The following MCOLN3 variants were observed in gnomAD, a reference collection of about 807,000 sequenced individuals.
MCOLN3 encodes mucolipin-3.
In MCOLN3, 62 loss-of-function variants were observed where a neutral mutation model predicts 69.4. That is an observed-to-expected ratio of 0.89 (90% CI 0.73 to 1.10). The LOEUF (loss-of-function observed/expected upper bound fraction) is 1.10. Among genes scored for constraint, MCOLN3 ranks in the 50% least tolerant of loss-of-function variants. The pLI is 0.00. For missense variants in MCOLN3, 564 were observed against 656.4 expected (o/e 0.86, Z 1.54); for synonymous variants, 183 against 217.0 (o/e 0.84, Z 1.38).
chr1:85,035,053 G>T (rs1285635882), intron 3 of MCOLN3, among the ~76,000 whole-genome samples: 1 of 152,192 alleles, frequency 6.6e-6, no homozygotes, highest in Non-Finnish European at 1.5e-5. Flanking sequence ...GTTGGACCTT[G>T]TCAAGGTCAC....
At chr1:85,048,200 TG>T (rs981473562) in intron 1 of MCOLN3, among the ~76,000 whole-genome samples, 195 bp downstream of exon 1, 15 of 151,976 alleles carry the variant, frequency 9.9e-5, no homozygotes, top group African/African-American at 3.4e-4. Context: ...GCGGGCGGCT[TG>T]GGGGCGGCGC....
At chr1:85,026,516 G>C (rs1337751739) in intron 7 of MCOLN3, among the ~76,000 whole-genome samples, 1 of 152,054 alleles carries the variant, frequency 6.6e-6, no homozygotes, top group Non-Finnish European at 1.5e-5. Flanking sequence ...CAGCACTTTG[G>C]GAGGCCGAGG....
rs74095740 is a variant in MCOLN3 at position 85,032,725 on chromosome 1, G to C, written c.703C>G (p.Leu235Val). 688 of 1,613,930 alleles carry C rather than the reference G, an allele frequency of 4.3e-4. 3 individuals are homozygous for C. The African/African-American group carries it at 8.3e-3, about 19-fold the overall frequency. ...INLQTVRHQE[L>V]PDCYDFTLTI... ...AGAGTAAAGTCATAACAGTCAGGGAGTTCTTGATGACGAACTGTCTGCAGA... is the reference window on the plus strand; with the variant it reads ...AGAGTAAAGTCATAACAGTCAGGGACTTCTTGATGACGAACTGTCTGCAGA... The change falls in exon 6 of 13, where the codon CTC becomes GTC. Residue 235 changes from leucine (L) to valine (V), a missense_variant. By Grantham distance (32) the Leu-to-Val change is conservative (BLOSUM62 1). Coordinates refer to ENST00000370589, the MANE Select transcript of MCOLN3 (RefSeq NM_018298.11).
chr1:85,033,734 T>C (rs1325893492), intron 4 of MCOLN3, among the ~76,000 whole-genome samples: 1 of 152,192 alleles, frequency 6.6e-6, no homozygotes, highest in Admixed American at 6.5e-5. Context: ...CTATTAATAC[T>C]TCACTGGCAT....
At chr1:85,039,558 T>C (rs1437521597) in intron 3 of MCOLN3, among the ~76,000 whole-genome samples, 1 of 152,172 alleles carries the variant, frequency 6.6e-6, no homozygotes, top group African/African-American at 2.4e-5. Flanking sequence ...CCAAGACAAC[T>C]AGAATAAAGC....
chr1:85,032,599 A>T (rs1652592807), intron 6 of MCOLN3, 97 bp downstream of exon 6: 1 of 910,042 alleles, frequency 1.1e-6, no homozygotes, highest in Non-Finnish European at 1.8e-6. Context: ...AACATCCTAT[A>T]TTTTTTTATC....
At chr1:85,026,849 T>G (rs1197473615) in intron 7 of MCOLN3, among the ~76,000 whole-genome samples, 2 of 136,342 alleles carry the variant, frequency 1.5e-5, no homozygotes, top group Non-Finnish European at 3.2e-5. Context: ...ATTACCTCCC[T>G]GCATATTCTT....
In MCOLN3 at chr1:85,045,253, G is replaced by A. The variant is rs1653288007; in HGVS notation, c.108C>T (p.Asp36=). The change falls in exon 2 of 13, where the codon GAC becomes GAT. Residue 36 remains aspartate, a synonymous_variant. Transcript: ENST00000370589. ...AAAATTTGAGTTTTCGCCTCATCTGGTCTTCTAATAGAAGCTCCTCAGATG... is the reference window on the plus strand; with the variant it reads ...AAAATTTGAGTTTTCGCCTCATCTGATCTTCTAATAGAAGCTCCTCAGATG... The part of the protein sequence containing the change: ...TSPSEELLLE[D]QMRRKLKFFF... 6.2e-7 allele frequency: 1 copy of A among 1,614,040 alleles called. No homozygotes were observed.
chr1:85,032,820 G>A (rs372403594), intron 5 of MCOLN3, 28 bp from the exon 6 acceptor site: 2 of 1,613,298 alleles, frequency 1.2e-6, no homozygotes, highest in African/African-American at 2.7e-5. Flanking sequence ...TTTTAGTTCT[G>A]TGGCAATATA....
At position 85,021,178 on chromosome 1, in the gene MCOLN3, T is replaced by G. The variant is rs771006397; in HGVS notation, c.1419A>C (p.Leu473Phe). The G allele has an allele frequency of 1.2e-6, 2 of 1,613,788 alleles. No individual in the cohort carries two copies. The highest frequency in any genetic ancestry group is 1.7e-6 in the Non-Finnish European group (2 of 1,179,762). Reference protein sequence around the residue: ...TFAKMQQKSYLVWLFSRIYLY... With the variant: ...TFAKMQQKSYFVWLFSRIYLY... ...GGTAAATTCTACTAAACAGCCAGAC[T>G]AAGTAACTTTTTTGCTGCATTTTTG... Residue 473 changes from leucine to phenylalanine, a missense_variant, in exon 12 of 13, where the codon TTA becomes TTC. Leu to Phe is a conservative substitution (Grantham distance 22). Transcript: ENST00000370589.
chr1:85,033,942 G>C (rs1350865410), intron 4 of MCOLN3, among the ~76,000 whole-genome samples, 156 bp downstream of exon 4: 2 of 152,056 alleles, frequency 1.3e-5, no homozygotes. Flanking sequence ...ATAGTAAAGG[G>C]CTCAGAACAG....
Position 85,019,042 on chromosome 1 carries a change from A to G in MCOLN3, c.*81T>C. ...CAAAATAACAGTCTTCAAACATACT[A>G]CATCTGATCTCAGAATATCCACAGT... is the stretch of plus-strand genomic sequence containing the variant. On this transcript the variant is annotated 3_prime_UTR_variant, in exon 13 of 13. Coordinates refer to ENST00000370589, the MANE Select transcript of MCOLN3 (RefSeq NM_018298.11). 7.3e-7 allele frequency: 1 copy of G among 1,374,000 alleles called. No homozygotes were observed. Among genetic ancestry groups the G allele is most frequent in the Non-Finnish European group, 1.0e-6 (1 of 990,104 alleles). The allele number at this position is 1,374,000 out of a possible 1,614,324, so 85.1% of individuals were successfully genotyped here.
At chr1:85,044,371 T>C (rs1005350027) in intron 2 of MCOLN3, among the ~76,000 whole-genome samples, 3 of 152,184 alleles carry the variant, frequency 2.0e-5, no homozygotes, top group Admixed American at 6.5e-5. Context: ...TTCACCAACT[T>C]AGGAAGAGTA....
At chr1:85,019,308 G>A (rs1651809783) in intron 12 of MCOLN3, 51 bp from the exon 13 acceptor site, 1 of 1,559,482 alleles carries the variant, frequency 6.4e-7, no homozygotes, top group Non-Finnish European at 8.8e-7. Flanking sequence ...CTTGAAAACA[G>A]CTTCATTCCA....
intron 4 of MCOLN3, 27 bp downstream of exon 4, chr1:85,034,071 A>G (rs1652679725): frequency 6.2e-7 from 1 of 1,606,470 alleles, no homozygotes; most frequent in East Asian, 2.2e-5. Context: ...TTAAAAATTG[A>G]GGTTCTAGGT....
intron 4 of MCOLN3, 111 bp from the exon 5 acceptor site, chr1:85,033,067 T>C: frequency 1.0e-6 from 1 of 975,860 alleles, no homozygotes; most frequent in Non-Finnish European, 1.6e-6. Context: ...TCAGATTCTA[T>C]TATTTTTCTG....
At chr1:85,036,828 C>T (rs1652825382) in intron 3 of MCOLN3, 1 of 152,114 alleles carries the variant, frequency 6.6e-6, no homozygotes, top group Non-Finnish European at 1.5e-5. Flanking sequence ...CTGTTATTGC[C>T]TTATGCTAGT....
chr1:85,046,624 A>G lies in MCOLN3; in HGVS notation c.-2-1262T>C, dbSNP rs759311118. Reference sequence around the variant, plus strand: ...TCTTACAAGTCACTGGTTAGATACCATGCTGCTTTCCAAGTCTAGAACCCC... The same window carrying G: ...TCTTACAAGTCACTGGTTAGATACCGTGCTGCTTTCCAAGTCTAGAACCCC... On this transcript the variant is annotated intron_variant, in intron 1 of 12. Coordinates refer to ENST00000370589, the MANE Select transcript of MCOLN3 (RefSeq NM_018298.11). 3.3e-5 allele frequency among the ~76,000 whole-genome samples: 5 copies of G among 152,352 alleles called. 1 individual carries two copies. In the South Asian group the frequency reaches 1.0e-3, roughly 32 times the overall value.
At chr1:85,046,734 G>A (rs1222292890) in intron 1 of MCOLN3, among the ~76,000 whole-genome samples, 4 of 152,172 alleles carry the variant, frequency 2.6e-5, no homozygotes, top group Admixed American at 6.5e-5. Context: ...CATGGGGAAG[G>A]TTCTTAAACT....
Sources: gnomAD v4.1 joint callset for allele counts (sites outside exome capture counted in the v4.1 genomes callset) on GRCh38, gnomAD v4.1.1 for gene constraint, MANE v1.5 for transcripts, NCBI Gene and HGNC (gene_info 2026-07-23, HGNC 2026-07-21) for gene names.